TFRC: variants seen among roughly 807,000 people sequenced by gnomAD.
TFRC encodes the protein transferrin receptor.
A neutral mutation model predicts 85.8 loss-of-function variants in TFRC; 35 were observed. The ratio of observed to expected loss-of-function variants is 0.41; its 90% CI spans 0.31 to 0.54. The LOEUF is 0.54. Ranked by LOEUF, TFRC falls within the 20% of genes least tolerant of loss-of-function variation. The pLI, the probability that TFRC is intolerant of heterozygous loss-of-function variation, is 0.31. For missense variants in TFRC, 828 were observed against 921.5 expected (o/e 0.90, Z 1.31); for synonymous variants, 362 against 328.6 (o/e 1.10, Z -1.10).
At chr3:196,056,567 T>A (rs1157127509) in intron 16 of TFRC, among the ~76,000 whole-genome samples, 2 of 151,548 alleles carry the variant, frequency 1.3e-5, no homozygotes, top group Non-Finnish European at 2.9e-5. Flanking sequence ...GCCCAGCTAA[T>A]TTTTTTGTAT....
chr3:196,058,277 G>T lies in TFRC; in HGVS notation c.1677+7C>A. 1 of 1,612,384 alleles carries T rather than the reference G, an allele frequency of 6.2e-7. No individual in the cohort carries two copies. The highest frequency in any genetic ancestry group is 1.1e-5 in the South Asian group (1 of 90,956). ...TCTCCATTTGTCATTTAAATGAACA[G>T]ACTTACCTCGCAAAAACAGAAAGAA... On this transcript the variant is annotated splice_region_variant and intron_variant, in intron 16 of 18. Transcript: ENST00000360110.
intron 14 of TFRC, 193 bp from the exon 15 acceptor site, chr3:196,058,825 C>T (rs969991902): frequency 2.8e-6 from 1 of 363,536 alleles, no homozygotes. Flanking sequence ...TTGTCAGTTC[C>T]TTTAGTTATG....
At chr3:196,076,412 C>T (rs1718701906) in intron 2 of TFRC, among the ~76,000 whole-genome samples, 1 of 150,854 alleles carries the variant, frequency 6.6e-6, no homozygotes, top group Non-Finnish European at 1.5e-5. Flanking sequence ...GCTGGGATTG[C>T]GGGAGTGAGC....
chr3:196,064,138 C>G (rs571815573), intron 11 of TFRC, among the ~76,000 whole-genome samples, 171 bp downstream of exon 11: 1 of 152,262 alleles, frequency 6.6e-6, no homozygotes, highest in South Asian at 2.1e-4. Context: ...TTATGGAAAG[C>G]TGTTTCAAAG....
chr3:196,062,900 C>A lies in TFRC; in HGVS notation c.1358G>T (p.Trp453Leu). ...QPSRSIIFAS[W>L]SAGDFGSVGA... is the part of the protein sequence containing the mutation. ...AACCGATCCAAAGTCTCCAGCACTC[C>A]AACTGGCAAAGATAATGCTTCTGCT... Residue 453 changes from tryptophan (W) to leucine (L), a missense_variant, in exon 12 of 19, where the codon TGG (tryptophan) becomes TTG (leucine). Physicochemically the swap from Trp to Leu is moderately conservative, Grantham distance 61. Transcript: ENST00000360110. 1.2e-6 allele frequency: 2 copies of A among 1,614,062 alleles called. No individual in the cohort carries two copies. The highest frequency in any genetic ancestry group is 2.2e-5 in the South Asian group (2 of 91,070).
chr3:196,056,424 C>T (rs936020638), intron 16 of TFRC, among the ~76,000 whole-genome samples: 7 of 151,976 alleles, frequency 4.6e-5, no homozygotes, highest in Admixed American at 2.0e-4. Flanking sequence ...TGTTGTTAGA[C>T]GATCTTGCTC....
chr3:196,066,447 T>G (rs1322270271), intron 9 of TFRC, among the ~76,000 whole-genome samples: 2 of 152,166 alleles, frequency 1.3e-5, no homozygotes, highest in Non-Finnish European at 2.9e-5. Flanking sequence ...AGAGTGAGAC[T>G]GTCAAAATAA....
At chr3:196,080,877 A>G (rs1284231463) in intron 1 of TFRC, among the ~76,000 whole-genome samples, 2 of 152,216 alleles carry the variant, frequency 1.3e-5, no homozygotes, top group African/African-American at 4.8e-5. Flanking sequence ...CAAGTACTCT[A>G]GACAGCCTAA....
chr3:196,077,016 A>C, intron 2 of TFRC, 48 bp downstream of exon 2: 1 of 1,547,760 alleles, frequency 6.5e-7, no homozygotes, highest in Non-Finnish European at 8.9e-7. Flanking sequence ...TCATGCTTGT[A>C]TATTTCACAT....
At position 196,052,079 on chromosome 3, in the gene TFRC, A is replaced by G; in HGVS notation, c.2146T>C (p.Leu716=). 6.2e-7 allele frequency: 1 copy of G among 1,614,176 alleles called. No homozygotes were observed. The highest frequency in any genetic ancestry group is 8.5e-7 in the Non-Finnish European group (1 of 1,180,026). The change falls in exon 19 of 19, where the codon TTG becomes CTG. Residue 716 remains leucine, a synonymous_variant. Transcript: ENST00000360110. ...CCGTTATTTTGTTTACGCAGTTTCAAGTTCTCCAGTAAAGCTGGCAGCGTG... is the reference window on the plus strand; with the variant it reads ...CCGTTATTTTGTTTACGCAGTTTCAGGTTCTCCAGTAAAGCTGGCAGCGTG... ...SHTLPALLEN[L]KLRKQNNGAF... is the part of the protein sequence containing the mutation.
rs1717434122 is a variant in TFRC at position 196,063,207 on chromosome 3, G to GCA, written c.1319-270_1319-269dup. On this transcript the variant is annotated intron_variant, in intron 11 of 18. Transcript: ENST00000360110. ...CTGCAAATAAGATTTTGAGTACATA[G>GCA]CAGGGGCCAGTAGTCACCCTTTCAC... 4 of 349,072 alleles carry GCA rather than the reference G, an allele frequency of 1.1e-5. No homozygotes were observed. The Admixed American group carries it at 1.3e-4, about 12-fold the overall frequency. The allele number at this position is 349,072 out of a possible 1,614,324, so 21.6% of individuals were successfully genotyped here. A position where few individuals can be genotyped will look rare whatever the true frequency, so the allele number is the denominator to read the frequency against.
chr3:196,057,792 AAAAAAACAAAAC>A lies in TFRC; in HGVS notation c.1677+480_1677+491del, dbSNP rs1216183076. On this transcript the variant is annotated intron_variant, in intron 16 of 18. Transcript: ENST00000360110. ...CAAGTCACCATTGTCAAAAAAAAAA[AAAAAAACAAAAC>A]AAAAAACAAACAAAAAAAACCCAAC... 5.3e-3 allele frequency among the ~76,000 whole-genome samples: 802 copies of A among 151,482 alleles called. 4 individuals are homozygous for A. Among genetic ancestry groups the A allele is most frequent in the African/African-American group, 0.018 (757 of 41,150 alleles).
At chr3:196,064,226 G>A (rs1470882562) in intron 11 of TFRC, 83 bp downstream of exon 11, 28 of 1,385,800 alleles carry the variant, frequency 2.0e-5, no homozygotes, top group Admixed American at 2.7e-5. Flanking sequence ...CAGGAATGCA[G>A]GCAAAGTGAG....
chr3:196,060,825 A>AAAAAAAAAT (rs1310502711), intron 13 of TFRC, among the ~76,000 whole-genome samples: 23 of 141,152 alleles, frequency 1.6e-4, no homozygotes, highest in Non-Finnish European at 2.8e-4. Context: ...AAAAAAAAAA[A>AAAAAAAAAT]ATCAGACCAG....
chr3:196,069,756 A>G (rs1402471476), intron 6 of TFRC, 188 bp from the exon 7 acceptor site: 1 of 481,598 alleles, frequency 2.1e-6, no homozygotes, highest in African/African-American at 2.0e-5. Context: ...CTATTGGAAT[A>G]AAATCAAGAT....
chr3:196,076,263 T>C (rs1718685709), intron 2 of TFRC, among the ~76,000 whole-genome samples: 1 of 152,170 alleles, frequency 6.6e-6, no homozygotes, highest in South Asian at 2.1e-4. Flanking sequence ...TTTTTTTGTA[T>C]GTTCTTTCAG....
In TFRC at chr3:196,060,223, G is replaced by C; in HGVS notation, c.1493C>G (p.Ala498Gly). Residue 498 changes from alanine to glycine, a missense_variant, in exon 14 of 19, where the codon GCC (alanine) becomes GGC (glycine). Transcript: ENST00000360110. Reference sequence around the variant, plus strand: ...AATAAGCGTATACAACAGTGGGCTGGCAGAAACCTTGAAGTTGCTGGTACC... The same window carrying C: ...AATAAGCGTATACAACAGTGGGCTGCCAGAAACCTTGAAGTTGCTGGTACC... ...VLGTSNFKVSASPLLYTLIEK... is the reference protein window; with the variant it reads ...VLGTSNFKVSGSPLLYTLIEK... The C allele has an allele frequency of 6.2e-7, 1 of 1,613,940 alleles. No homozygotes were observed. The highest frequency in any genetic ancestry group is 8.5e-7 in the Non-Finnish European group (1 of 1,179,924).
chr3:196,052,794 G>C (rs1270978617), intron 18 of TFRC, among the ~76,000 whole-genome samples: 1 of 152,042 alleles, frequency 6.6e-6, no homozygotes, highest in African/African-American at 2.4e-5. Flanking sequence ...TGAGAACCAG[G>C]CTAATGCTAA....
chr3:196,071,348 G>T, intron 6 of TFRC, 48 bp downstream of exon 6: 1 of 1,486,252 alleles, frequency 6.7e-7, no homozygotes, highest in Non-Finnish European at 9.4e-7. Flanking sequence ...GATGAGTTTT[G>T]AATGATTCAA....
Sources: allele counts gnomAD v4.1 joint callset (sites outside exome capture counted in the v4.1 genomes callset), GRCh38; gene constraint gnomAD v4.1.1; transcripts MANE v1.5; gene names NCBI Gene and HGNC (gene_info 2026-07-23, HGNC 2026-07-21).